Variants in RTF1 observed in about 807,000 individuals in gnomAD.
RTF1 encodes the protein RTF1 homolog, Paf1/RNA polymerase II complex component, also known as RNA polymerase-associated protein RTF1 homolog.
Under a neutral mutation model 95.7 loss-of-function variants are expected in RTF1, and 10 were observed. The observed-to-expected ratio is 0.10, with a 90% confidence interval of 0.06 to 0.18. RTF1 has a LOEUF of 0.18. RTF1 is among the 10% of genes least tolerant of loss of function. The pLI, the probability that RTF1 is intolerant of heterozygous loss-of-function variation, is 1.00. For synonymous variants in RTF1, 305 were observed against 311.8 expected (o/e 0.98, Z 0.23); for missense variants, 458 against 875.6 (o/e 0.52, Z 6.02).
chr15:41,420,734 T>A (rs905542189), intron 1 of RTF1, among the ~76,000 whole-genome samples: 3 of 152,104 alleles, frequency 2.0e-5, no homozygotes, highest in African/African-American at 7.2e-5. Flanking sequence ...CTAGGCTGGT[T>A]TTTCCTGGTG....
intron 15 of RTF1, 182 bp from the exon 16 acceptor site, chr15:41,478,921 T>G (rs969998108): frequency 9.8e-6 from 6 of 612,934 alleles, no homozygotes; most frequent in African/African-American, 9.3e-5. Flanking sequence ...GGGCTGGGCT[T>G]GGCTTTCAAG....
intron 6 of RTF1, among the ~76,000 whole-genome samples, chr15:41,468,466 T>C (rs1254557461): frequency 7.2e-5 from 11 of 151,848 alleles, no homozygotes; most frequent in African/African-American, 1.2e-4. Flanking sequence ...TACAGGCACC[T>C]GCCACCACGC....
At chr15:41,441,166 T>C (rs1229980768) in intron 2 of RTF1, among the ~76,000 whole-genome samples, 1 of 151,684 alleles carries the variant, frequency 6.6e-6, no homozygotes, top group African/African-American at 2.4e-5. Flanking sequence ...AGAGACGGGG[T>C]TTCACCATGT....
intron 2 of RTF1, chr15:41,448,838 C>T (rs984466543): frequency 2.0e-5 from 3 of 151,888 alleles, no homozygotes; most frequent in Admixed American, 2.0e-4. Context: ...GCTGCTGAAG[C>T]GAGCAGAGAT....
intron 3 of RTF1, among the ~76,000 whole-genome samples, chr15:41,456,651 G>T (rs1175678235): frequency 6.6e-6 from 1 of 151,746 alleles, no homozygotes; most frequent in Non-Finnish European, 1.5e-5. Context: ...ATAAAAATTA[G>T]CTGAGTGTAG....
At chr15:41,427,793 A>AT (rs952288040) in intron 1 of RTF1, among the ~76,000 whole-genome samples, 11 of 151,036 alleles carry the variant, frequency 7.3e-5, no homozygotes, top group South Asian at 2.1e-4. Flanking sequence ...GTCAAGTTTT[A>AT]TTTTTTTTTG....
intron 1 of RTF1, among the ~76,000 whole-genome samples, chr15:41,425,396 G>T (rs1024625718): frequency 1.3e-5 from 2 of 151,992 alleles, no homozygotes; most frequent in Non-Finnish European, 2.9e-5. Context: ...GTGAGCCACC[G>T]CGCCTGGCCA....
Position 41,477,490 on chromosome 15 carries a change from T to C in RTF1, c.1715T>C (p.Ile572Thr), listed in dbSNP as rs1343723728. Residue 572 changes from isoleucine to threonine, a missense_variant, in exon 14 of 18, where the codon ATT becomes ACT. This residue lies in a region of RTF1 where 15 missense variants were observed against 57.1 expected (regional missense o/e 0.26). Coordinates refer to ENST00000389629, the MANE Select transcript of RTF1 (RefSeq NM_015138.5). ...AACCAGCGGAACCGGGAGTGGAACA[T>C]TGTAGAGTCTGAGAAGGCCCTTGTG... The part of the protein sequence containing the change: ...YINQRNREWN[I>T]VESEKALVAE... 1.9e-6 allele frequency: 3 copies of C among 1,614,116 alleles called. No homozygotes were observed. The highest frequency in any genetic ancestry group is 1.7e-6 in the Non-Finnish European group (2 of 1,180,046).
intron 1 of RTF1, among the ~76,000 whole-genome samples, chr15:41,425,573 A>C (rs1172241669): frequency 6.6e-6 from 1 of 152,096 alleles, no homozygotes; most frequent in East Asian, 1.9e-4. Context: ...AGTCCAGATG[A>C]GAGATGATGG....
In RTF1 at chr15:41,466,232, A is replaced by C; in HGVS notation, c.869A>C (p.Glu290Ala). Residue 290 changes from glutamate to alanine, a missense_variant, in exon 6 of 18, where the codon GAA becomes GCA. This residue lies in a region of RTF1 where 7 missense variants were observed against 54.3 expected (regional missense o/e 0.13). Transcript: ENST00000389629. ...ATGGAGGAGCTAAAAGCAGAGCGAG[A>C]AAAACGAAAGAACAGAACAGGTAAG... ...QAMEELKAER[E>A]KRKNRTAELL... 1.3e-6 allele frequency: 2 copies of C among 1,585,124 alleles called. No individual in the cohort carries two copies. The highest frequency in any genetic ancestry group is 1.7e-6 in the Non-Finnish European group (2 of 1,166,668).
chr15:41,476,377 G>T, intron 11 of RTF1, 69 bp from the exon 12 acceptor site: 1 of 1,280,518 alleles, frequency 7.8e-7, no homozygotes, highest in Non-Finnish European at 1.1e-6. Flanking sequence ...ATCCAAAATG[G>T]GCTCACTTAG....
intron 1 of RTF1, among the ~76,000 whole-genome samples, chr15:41,420,929 A>T (rs566844020): frequency 1.3e-5 from 2 of 152,352 alleles, no homozygotes; most frequent in African/African-American, 4.8e-5. Context: ...AGTGATTAAG[A>T]TCACTGCCTA....
intron 2 of RTF1, among the ~76,000 whole-genome samples, chr15:41,447,375 C>T (rs966538799): frequency 2.0e-5 from 3 of 152,106 alleles, no homozygotes; most frequent in African/African-American, 7.2e-5. Context: ...CTTTCAGTTG[C>T]GTGCCCAGAA....
At chr15:41,448,596 A>G (rs1190791737) in intron 2 of RTF1, 1 of 151,956 alleles carries the variant, frequency 6.6e-6, no homozygotes, top group African/African-American at 2.4e-5. Flanking sequence ...GCAGGTGACT[A>G]CGTTCCCAGC....
chr15:41,478,455 A>G, intron 14 of RTF1, 93 bp from the exon 15 acceptor site: 2 of 799,816 alleles, frequency 2.5e-6, no homozygotes, highest in Non-Finnish European at 2.0e-6. Flanking sequence ...TTTTTTTTTC[A>G]GTCCCGTGCA....
Position 41,467,509 on chromosome 15 carries a change from G to A in RTF1, c.889+1257G>A, listed in dbSNP as rs191141619. 6.6e-3 allele frequency among the ~76,000 whole-genome samples: 1,000 copies of A among 152,264 alleles called. 16 individuals carry two copies. The highest frequency in any genetic ancestry group is 7.0e-3 in the Non-Finnish European group (478 of 68,022). On this transcript the variant is annotated intron_variant, in intron 6 of 17. Transcript: ENST00000389629. ...GTGGGCGGATCACCTGAGGTCAGGA[G>A]CTTGAGACCAGCCTGGCAAACATGG...
At chr15:41,435,835 A>G (rs1156609449) in intron 1 of RTF1, among the ~76,000 whole-genome samples, 1 of 152,164 alleles carries the variant, frequency 6.6e-6, no homozygotes, top group Non-Finnish European at 1.5e-5. Flanking sequence ...GAATATTACT[A>G]CTAGTGTTTA....
intron 2 of RTF1, chr15:41,448,606 C>T (rs917852856): frequency 6.6e-6 from 1 of 152,094 alleles, no homozygotes; most frequent in Non-Finnish European, 1.5e-5. Context: ...ACGTTCCCAG[C>T]TACTCGGGAG....
At chr15:41,427,979 G>A (rs1360609174) in intron 1 of RTF1, among the ~76,000 whole-genome samples, 1 of 151,878 alleles carries the variant, frequency 6.6e-6, no homozygotes, top group Non-Finnish European at 1.5e-5. Flanking sequence ...TAGAGACGGG[G>A]TTTCACCATG....
Sources: gnomAD v4.1 joint callset for allele counts (sites outside exome capture counted in the v4.1 genomes callset) on GRCh38, gnomAD v4.1.1 for gene constraint, gnomAD v4.1.1 regional missense constraint, MANE v1.5 for transcripts, NCBI Gene and HGNC (gene_info 2026-07-23, HGNC 2026-07-21) for gene names.